SMG7: variants seen among roughly 807,000 people sequenced by gnomAD.
SMG7 encodes nonsense-mediated mRNA decay factor SMG7.
A neutral mutation model predicts 148.2 loss-of-function variants in SMG7; 34 were observed. That is an observed-to-expected ratio of 0.23 (90% CI 0.17 to 0.31). SMG7 has a LOEUF of 0.31. Among genes scored for constraint, SMG7 ranks in the 10% least tolerant of loss-of-function variants. The pLI is 1.00. For synonymous variants in SMG7, 492 were observed against 515.1 expected (o/e 0.96, Z 0.61); for missense variants, 1,114 against 1,408.4 (o/e 0.79, Z 3.35).
intron 13 of SMG7, 98 bp downstream of exon 13, chr1:183,541,201 C>A: frequency 5.6e-6 from 6 of 1,079,180 alleles, no homozygotes; most frequent in Non-Finnish European, 8.2e-6. Context: ...TCATATGTTA[C>A]GTATTTTAGG....
At chr1:183,531,027 T>C (rs1034654191) in intron 8 of SMG7, among the ~76,000 whole-genome samples, 2 of 152,150 alleles carry the variant, frequency 1.3e-5, no homozygotes, top group African/African-American at 2.4e-5. Context: ...TTCTAAAATA[T>C]ACTTTGAAGT....
intron 1 of SMG7, among the ~76,000 whole-genome samples, chr1:183,476,142 A>C (rs767946588): frequency 6.6e-6 from 1 of 152,204 alleles, no homozygotes. Context: ...GGGACACTAG[A>C]GAATGTCTTT....
At chr1:183,492,521 C>T (rs1015276329) in intron 1 of SMG7, among the ~76,000 whole-genome samples, 1 of 152,134 alleles carries the variant, frequency 6.6e-6, no homozygotes, top group Non-Finnish European at 1.5e-5. Context: ...ATTGTTTTAG[C>T]TATTCTAGGT....
At position 183,545,158 on chromosome 1, in the gene SMG7, C is replaced by T; in HGVS notation, c.2216C>T (p.Pro739Leu). 6.2e-7 allele frequency: 1 copy of T among 1,614,118 alleles called. No homozygotes were observed. Among genetic ancestry groups the T allele is most frequent in the Non-Finnish European group, 8.5e-7 (1 of 1,180,006 alleles). The change falls in exon 16 of 23, where the codon CCT (proline) becomes CTT (leucine). Residue 739 changes from proline to leucine, a missense_variant. Around this residue, in one of 4 missense-constraint regions of SMG7, gnomAD observed 788 missense variants for 894.5 expected, o/e 0.88. Coordinates refer to ENST00000688051, the MANE Select transcript of SMG7 (RefSeq NM_001375584.1). ...MNQGPQQSQP[P>L]SQQPLTSLPA... is the part of the protein sequence containing the mutation. ...CAGGGACCTCAACAATCACAGCCAC[C>T]TTCCCAGCAACCCCTTACATCTTTA...
intron 16 of SMG7, 108 bp from the exon 17 acceptor site, chr1:183,545,858 G>A: frequency 7.5e-7 from 1 of 1,334,462 alleles, no homozygotes; most frequent in Non-Finnish European, 1.0e-6. Context: ...CTTGCCTAGA[G>A]TTTTGTTGGT....
intron 8 of SMG7, among the ~76,000 whole-genome samples, chr1:183,529,864 T>G (rs910492870): frequency 3.3e-5 from 5 of 152,182 alleles, no homozygotes; most frequent in African/African-American, 1.2e-4. Flanking sequence ...TTATGTTACC[T>G]GCTTTATAGA....
At chr1:183,503,634 G>A (rs1438208084) in intron 1 of SMG7, among the ~76,000 whole-genome samples, 1 of 152,178 alleles carries the variant, frequency 6.6e-6, no homozygotes, top group South Asian at 2.1e-4. Context: ...TCATGAAGCA[G>A]TGAGGGGAGG....
In SMG7 at chr1:183,527,297, A is replaced by G. The variant is rs1350916909; in HGVS notation, c.484+530A>G. 2.0e-5 allele frequency among the ~76,000 whole-genome samples: 3 copies of G among 152,226 alleles called. No homozygotes were observed. The East Asian group carries it at 5.8e-4, about 29-fold the overall frequency. On this transcript the variant is annotated intron_variant, in intron 5 of 22. Transcript: ENST00000688051. This position sits in a 1 kb window ranked among gnomAD's most constrained non-coding sequence, Gnocchi z 4.0. ...TAAGGTGACCTAGAAAGGTTGTAAAACAAATTAACTATAGGATTATGTTTT... is the reference window on the plus strand; with the variant it reads ...TAAGGTGACCTAGAAAGGTTGTAAAGCAAATTAACTATAGGATTATGTTTT...
intron 4 of SMG7, among the ~76,000 whole-genome samples, chr1:183,522,542 T>G (rs576449636): frequency 2.2e-4 from 33 of 152,328 alleles, no homozygotes; most frequent in African/African-American, 7.5e-4. Flanking sequence ...TTTTCATATT[T>G]TAACATATCT....
At chr1:183,519,463 C>T (rs954023897) in intron 4 of SMG7, among the ~76,000 whole-genome samples, 1 of 151,404 alleles carries the variant, frequency 6.6e-6, no homozygotes, top group Non-Finnish European at 1.5e-5. Context: ...CAAAAGGCTA[C>T]TATTTGTAAG....
intron 1 of SMG7, chr1:183,474,026 C>G (rs1651459683): frequency 3.8e-6 from 1 of 263,720 alleles, no homozygotes; most frequent in South Asian, 1.4e-4. Context: ...GATTTTAACA[C>G]AACATATATG....
At chr1:183,521,202 G>A (rs887840712) in intron 4 of SMG7, among the ~76,000 whole-genome samples, 3 of 151,768 alleles carry the variant, frequency 2.0e-5, no homozygotes, top group Non-Finnish European at 2.9e-5. Context: ...GGGTTCAAGC[G>A]ATTCTTCTGC....
chr1:183,473,757 G>GT, intron 1 of SMG7: 1 of 985,358 alleles, frequency 1.0e-6, no homozygotes, highest in Non-Finnish European at 1.2e-6. Flanking sequence ...ATGGAAAGAT[G>GT]TTTTTTAAAA....
chr1:183,549,828 A>G lies in SMG7; in HGVS notation c.3038A>G (p.Lys1013Arg). ...GGGAAAAACCTGACATCCAGCTCCA[A>G]AGCAGAACTCAGTCCCTCAATGGCC... ...VYGKNLTSSS[K>R]AELSPSMAPQ... is the part of the protein sequence containing the mutation. Residue 1013 changes from lysine (K) to arginine (R), a missense_variant, in exon 20 of 23, where the codon AAA becomes AGA. Physicochemically the swap from Lys to Arg is conservative, Grantham distance 26. Transcript: ENST00000688051. 6.2e-7 allele frequency: 1 copy of G among 1,613,858 alleles called. No homozygotes were observed.
At chr1:183,488,312 C>T (rs1656013970) in intron 1 of SMG7, among the ~76,000 whole-genome samples, 1 of 151,990 alleles carries the variant, frequency 6.6e-6, no homozygotes, top group South Asian at 2.1e-4. Context: ...ATGGTACCCA[C>T]TGGCCACATA....
chr1:183,535,944 ATTTG>A (rs1667691405), intron 10 of SMG7, among the ~76,000 whole-genome samples: 1 of 151,862 alleles, frequency 6.6e-6, no homozygotes. Flanking sequence ...ATTCTTCAAT[ATTTG>A]TTTATATATT....
intron 1 of SMG7, among the ~76,000 whole-genome samples, chr1:183,487,743 GGTTGATGTGTTT>G (rs1655848647): frequency 6.6e-6 from 1 of 152,184 alleles, no homozygotes; most frequent in Non-Finnish European, 1.5e-5. Flanking sequence ...TTAAATGTGG[GGTTGATGTGTTT>G]GTTGATGGAG....
At chr1:183,549,148 G>A in intron 18 of SMG7, 60 bp from the exon 19 acceptor site, 1 of 1,282,752 alleles carries the variant, frequency 7.8e-7, no homozygotes, top group Non-Finnish European at 1.1e-6. Context: ...AGTATGGTAA[G>A]ATTAATATTA....
chr1:183,528,799 T>C, intron 6 of SMG7, 93 bp from the exon 7 acceptor site: 1 of 1,097,060 alleles, frequency 9.1e-7, no homozygotes, highest in South Asian at 1.5e-5. Context: ...ATACTCCCCA[T>C]TGTTTGAGTA....
Sources: gnomAD v4.1 joint callset for allele counts (sites outside exome capture counted in the v4.1 genomes callset) on GRCh38, gnomAD v4.1.1 for gene constraint, gnomAD v4.1.1 regional missense constraint, Gnocchi (gnomAD v3.1) non-coding constraint, MANE v1.5 for transcripts, NCBI Gene and HGNC (gene_info 2026-07-23, HGNC 2026-07-21) for gene names.